RFX3: variants seen among roughly 807,000 people sequenced by gnomAD.
The protein encoded by RFX3 is transcription factor RFX3.
In RFX3, 14 loss-of-function variants were observed where a neutral mutation model predicts 98.6. That is an observed-to-expected ratio of 0.14 (90% CI 0.09 to 0.22). RFX3 has a LOEUF of 0.22. Ranked by LOEUF, RFX3 falls within the 10% of genes least tolerant of loss-of-function variation. The pLI is 1.00. For missense variants in RFX3, 639 were observed against 926.9 expected (o/e 0.69, Z 4.03); for synonymous variants, 383 against 328.4 (o/e 1.17, Z -1.80).
At chr9:3,241,143 C>A (rs1486078683) in intron 15 of RFX3, among the ~76,000 whole-genome samples, 1 of 152,022 alleles carries the variant, frequency 6.6e-6, no homozygotes, top group African/African-American at 2.4e-5. Context: ...CACAAAAGTC[C>A]AACTTCATAG....
At chr9:3,255,990 G>A (rs1323932193) in intron 14 of RFX3, among the ~76,000 whole-genome samples, 3 of 151,082 alleles carry the variant, frequency 2.0e-5, no homozygotes, top group Admixed American at 6.6e-5. Context: ...TTTCTGAGAC[G>A]GAGTCTCGCT....
chr9:3,468,515 T>C (rs1848503058), intron 1 of RFX3, among the ~76,000 whole-genome samples: 1 of 152,184 alleles, frequency 6.6e-6, no homozygotes. Flanking sequence ...TGTCAATCAC[T>C]GCTCCCTTTT....
intron 2 of RFX3, among the ~76,000 whole-genome samples, chr9:3,382,196 C>G (rs1049387688): frequency 9.2e-5 from 14 of 152,032 alleles, no homozygotes; most frequent in African/African-American, 3.4e-4. Context: ...CACACTTGGC[C>G]TGAGGCTTAC....
At chr9:3,259,897 G>T (rs1421402170) in intron 13 of RFX3, among the ~76,000 whole-genome samples, 1 of 151,984 alleles carries the variant, frequency 6.6e-6, no homozygotes, top group African/African-American at 2.4e-5. Flanking sequence ...GTTTTAAATA[G>T]AAGTCTCCTT....
intron 1 of RFX3, among the ~76,000 whole-genome samples, chr9:3,497,025 A>G (rs1240369681): frequency 6.6e-6 from 1 of 151,944 alleles, no homozygotes; most frequent in East Asian, 1.9e-4. Flanking sequence ...GCAGGAGGTA[A>G]TCTTCCCACA....
At chr9:3,496,340 T>C (rs1298849770) in intron 1 of RFX3, among the ~76,000 whole-genome samples, 1 of 152,018 alleles carries the variant, frequency 6.6e-6, no homozygotes, top group Admixed American at 6.6e-5. Context: ...AAGATTGAAA[T>C]CTGAATGAGA....
intron 4 of RFX3, among the ~76,000 whole-genome samples, chr9:3,315,863 C>T (rs1294357298): frequency 1.3e-5 from 2 of 151,848 alleles, no homozygotes; most frequent in Non-Finnish European, 2.9e-5. Context: ...TAACAGGTTC[C>T]GAAATTGAGG....
chr9:3,247,965 G>C (rs371874923), intron 15 of RFX3, 67 bp downstream of exon 15: 26 of 1,613,846 alleles, frequency 1.6e-5, no homozygotes, highest in Middle Eastern at 1.7e-4. Flanking sequence ...AATGTATTTA[G>C]ACTGAAGTGT....
At chr9:3,405,827 CT>C (rs1841910727) in intron 1 of RFX3, among the ~76,000 whole-genome samples, 1 of 152,142 alleles carries the variant, frequency 6.6e-6, no homozygotes, top group Admixed American at 6.6e-5. Context: ...ACTGCAAACC[CT>C]TACTTAACAA....
rs187254159 is a variant in RFX3 at position 3,382,782 on chromosome 9, G to A, written c.117+12690C>T. Among the ~76,000 whole-genome samples the A allele has an allele frequency of 9.2e-5, 14 of 152,128 alleles. No homozygotes were observed. The East Asian group carries it at 2.7e-3, about 29-fold the overall frequency. Reference sequence around the variant, plus strand: ...TAATTTTCAGGACAAGAGTTGATAGGAAATGTAGAGAAAATTAGGCAAAAC... The same window carrying A: ...TAATTTTCAGGACAAGAGTTGATAGAAAATGTAGAGAAAATTAGGCAAAAC... On this transcript the variant is annotated intron_variant, in intron 2 of 16. Transcript: ENST00000617270.
chr9:3,483,115 T>C (rs549284943), intron 1 of RFX3, among the ~76,000 whole-genome samples: 1 of 152,320 alleles, frequency 6.6e-6, no homozygotes. Flanking sequence ...TCCACTTGGA[T>C]AGTGGATGGG....
intron 2 of RFX3, among the ~76,000 whole-genome samples, chr9:3,381,042 T>G (rs1839136509): frequency 6.6e-6 from 1 of 152,070 alleles, no homozygotes; most frequent in African/African-American, 2.4e-5. Flanking sequence ...TTAAAATAAT[T>G]AAAGAAACAC....
At position 3,219,472 on chromosome 9, in the gene RFX3, GA is replaced by G. The variant is rs1302052955; in HGVS notation, c.*5569del. On this transcript the variant is annotated 3_prime_UTR_variant, in exon 17 of 17. Coordinates refer to ENST00000617270, the MANE Select transcript of RFX3 (RefSeq NM_001282116.2). The stretch of plus-strand genomic sequence containing the variant: ...ATTTAAAAAAAAAAAACAAAGGAAA[GA>G]GGGGAGAAAAAGAATCAAACCAGAA... 15 of 149,356 alleles carry G rather than the reference GA, an allele frequency of 1.0e-4. No homozygotes were observed. In the East Asian group the frequency reaches 2.7e-3, roughly 27 times the overall value. 9.3% of individuals were successfully genotyped at this position (149,356 alleles called of 1,614,324 possible).
At chr9:3,401,793 T>TACAA (rs1259065403) in intron 1 of RFX3, among the ~76,000 whole-genome samples, 1 of 152,214 alleles carries the variant, frequency 6.6e-6, no homozygotes, top group Non-Finnish European at 1.5e-5. Flanking sequence ...ACGGTTCTTC[T>TACAA]TTGTACAGCC....
In RFX3 at chr9:3,221,849, T is replaced by A. The variant is rs1274263993; in HGVS notation, c.*3193A>T. On this transcript the variant is annotated 3_prime_UTR_variant, in exon 17 of 17. Coordinates refer to ENST00000617270, the MANE Select transcript of RFX3 (RefSeq NM_001282116.2). The stretch of plus-strand genomic sequence containing the variant: ...AAACTTGAAAACAGTCAACATACCT[T>A]CCTTACATTCTTCCTCACTGAAAGT... 1.3e-5 allele frequency: 2 copies of A among 152,186 alleles called. No individual in the cohort carries two copies. The highest frequency in any genetic ancestry group is 2.9e-5 in the Non-Finnish European group (2 of 68,014). The allele number at this position is 152,186 out of a possible 1,614,324, so 9.4% of individuals were successfully genotyped here. A position where few individuals can be genotyped will look rare whatever the true frequency, so the allele number is the denominator to read the frequency against.
intron 9 of RFX3, among the ~76,000 whole-genome samples, chr9:3,275,170 C>T (rs867451790): frequency 6.6e-6 from 1 of 151,486 alleles, no homozygotes; most frequent in Non-Finnish European, 1.5e-5. Flanking sequence ...AATAATAATG[C>T]AACAAATGCC....
Position 3,252,823 on chromosome 9 carries a change from A to T in RFX3, c.1814+4168T>A, listed in dbSNP as rs1370203804. Among the ~76,000 whole-genome samples, 5 of 152,340 alleles carry T rather than the reference A, an allele frequency of 3.3e-5. No homozygotes were observed. The East Asian group carries it at 9.6e-4, about 29-fold the overall frequency. On this transcript the variant is annotated intron_variant, in intron 14 of 16. Transcript: ENST00000617270. ...TTAAAAAAAAATTTATTGATCCTCA[A>T]TTATAATACCTAGTTATTTAAAAAA...
intron 3 of RFX3, among the ~76,000 whole-genome samples, chr9:3,342,170 T>C (rs1326485858): frequency 2.0e-5 from 3 of 152,230 alleles, no homozygotes; most frequent in Non-Finnish European, 4.4e-5. Context: ...TATATATTAG[T>C]GTACCATTTC....
chr9:3,339,891 G>A (rs990080837), intron 3 of RFX3, among the ~76,000 whole-genome samples: 4 of 151,860 alleles, frequency 2.6e-5, no homozygotes, highest in Non-Finnish European at 4.4e-5. Context: ...TCACAGAATT[G>A]GAAAAAACTA....
Sources: gnomAD v4.1 joint callset for allele counts (sites outside exome capture counted in the v4.1 genomes callset) on GRCh38, gnomAD v4.1.1 for gene constraint, MANE v1.5 for transcripts, NCBI Gene and HGNC (gene_info 2026-07-23, HGNC 2026-07-21) for gene names.